ZNF512: variants seen among roughly 807,000 people sequenced by gnomAD.
The protein encoded by ZNF512 is zinc finger protein 512.
Under a neutral mutation model 77.5 loss-of-function variants are expected in ZNF512, and 25 were observed. The observed-to-expected ratio is 0.32, with a 90% CI of 0.23 to 0.45. The LOEUF (loss-of-function observed/expected upper bound fraction) is 0.45. Ranked by LOEUF, ZNF512 falls within the 20% of genes least tolerant of loss-of-function variation. ZNF512 has a pLI of 1.00. For missense variants in ZNF512, 483 were observed against 692.6 expected (o/e 0.70, Z 3.40); for synonymous variants, 246 against 239.9 (o/e 1.03, Z -0.24).
chr2:27,603,274 A>T lies in ZNF512; in HGVS notation c.903A>T (p.Gly301=). 1 of 1,613,998 alleles carries T rather than the reference A, an allele frequency of 6.2e-7. No individual in the cohort carries two copies. Among genetic ancestry groups the T allele is most frequent in the Non-Finnish European group, 8.5e-7 (1 of 1,179,938 alleles). Residue 301 remains glycine, a synonymous_variant, in exon 9 of 14, where the codon GGA becomes GGT. Transcript: ENST00000355467. The part of the protein sequence containing the change: ...HCGKPYRSKA[G]LAYHLRSEHG... ...GAAAACCATATAGGTCGAAGGCTGG[A>T]CTTGCATATCACCTGAGGTCAGAGC... is the stretch of plus-strand genomic sequence containing the variant.
chr2:27,601,073 C>T lies in ZNF512; in HGVS notation c.582+258C>T, dbSNP rs191452150. ...AATAATAAATACAAAATAATAAAAACCTTATGTAGTCCATGAGAGGATAAG... is the reference window on the plus strand; with the variant it reads ...AATAATAAATACAAAATAATAAAAATCTTATGTAGTCCATGAGAGGATAAG... On this transcript the variant is annotated intron_variant, in intron 6 of 13. Coordinates refer to ENST00000355467, the MANE Select transcript of ZNF512 (RefSeq NM_032434.4). Among the ~76,000 whole-genome samples the T allele has an allele frequency of 1.6e-4, 24 of 152,270 alleles. No individual in the cohort carries two copies. In the East Asian group the frequency reaches 4.2e-3, roughly 27 times the overall value.
At position 27,583,682 on chromosome 2, in the gene ZNF512, C is replaced by T; in HGVS notation, c.55C>T (p.Gln19Ter). 1 of 1,614,158 alleles carries T rather than the reference C, an allele frequency of 6.2e-7. No homozygotes were observed. Among genetic ancestry groups the T allele is most frequent in the Non-Finnish European group, 8.5e-7 (1 of 1,180,020 alleles). ...PATSGPTTFK[Q>*]QRSTRIVGAK... is the part of the protein sequence containing the mutation. ...GACTTCGGGACCCACAACCTTTAAG[C>T]AGCAGAGGAGCACGAGGATCGTGGG... Residue 19 changes from glutamine (Q) to a stop codon, truncating the protein, a stop_gained, in exon 2 of 14, where the codon CAG becomes TAG. Coordinates refer to ENST00000355467, the MANE Select transcript of ZNF512 (RefSeq NM_032434.4). LOFTEE classifies it high-confidence loss of function.
intron 11 of ZNF512, 31 bp downstream of exon 11, chr2:27,615,300 A>G: frequency 4.2e-6 from 6 of 1,413,872 alleles, no homozygotes; most frequent in Non-Finnish European, 5.8e-6. Flanking sequence ...TATTCAGTAA[A>G]TGTTTATCAA....
intron 2 of ZNF512, among the ~76,000 whole-genome samples, chr2:27,595,203 A>G (rs1041933105): frequency 1.3e-5 from 2 of 152,072 alleles, no homozygotes; most frequent in Non-Finnish European, 2.9e-5. Flanking sequence ...TGGGATTACA[A>G]CTACACTTAA....
intron 2 of ZNF512, among the ~76,000 whole-genome samples, chr2:27,596,252 G>A (rs908840384): frequency 6.6e-6 from 1 of 152,166 alleles, no homozygotes; most frequent in African/African-American, 2.4e-5. Flanking sequence ...TGCTGCTTTG[G>A]TTTGGGTCAC....
rs1881396 is a variant in ZNF512, at chr2:27,621,734, T to G, written c.*273T>G. On this transcript the variant is annotated 3_prime_UTR_variant, in exon 14 of 14. Coordinates refer to ENST00000355467, the MANE Select transcript of ZNF512 (RefSeq NM_032434.4). Reference sequence around the variant, plus strand: ...CCTCTCAAGGCCAACTATAGGCTCCTCTTGCCCTGTACAAAACTAAGAAAC... The same window carrying G: ...CCTCTCAAGGCCAACTATAGGCTCCGCTTGCCCTGTACAAAACTAAGAAAC... The G allele has an allele frequency of 0.22, 75,205 of 335,862 alleles. 8,716 individuals carry two copies. Among genetic ancestry groups the G allele is most frequent in the East Asian group, 0.34 (5,709 of 16,994 alleles). The allele number at this position is 335,862 out of a possible 1,614,324, so 20.8% of individuals were successfully genotyped here. A position where few individuals can be genotyped will look rare whatever the true frequency, so the allele number is the denominator to read the frequency against.
chr2:27,585,848 T>G (rs1230119861), intron 2 of ZNF512, among the ~76,000 whole-genome samples: 1 of 152,230 alleles, frequency 6.6e-6, no homozygotes, highest in Non-Finnish European at 1.5e-5. Context: ...ACAAAGCTTT[T>G]TCTTGTTATA....
Position 27,621,146 on chromosome 2 carries a change from T to A in ZNF512, c.1396-7T>A. ...GACTGGATGACATTTCTATTTTGCC[T>A]CTCTAGGACTGGTTCGTTGTAAACC... On this transcript the variant is annotated splice_polypyrimidine_tract_variant and splice_region_variant and intron_variant, in intron 13 of 13. Transcript: ENST00000355467. 6.3e-7 allele frequency: 1 copy of A among 1,599,086 alleles called. No homozygotes were observed. Among genetic ancestry groups the A allele is most frequent in the Non-Finnish European group, 8.5e-7 (1 of 1,174,254 alleles).
At position 27,617,478 on chromosome 2, in the gene ZNF512, C is replaced by T; in HGVS notation, c.1302C>T (p.Asn434=). The T allele has an allele frequency of 1.4e-6, 2 of 1,404,752 alleles. No individual in the cohort carries two copies. The highest frequency in any genetic ancestry group is 2.0e-6 in the Non-Finnish European group (2 of 988,764). 87.0% of individuals were successfully genotyped at this position (1,404,752 alleles called of 1,614,324 possible). The change falls in exon 13 of 14, where the codon AAC becomes AAT. Residue 434 remains asparagine, a synonymous_variant. Transcript: ENST00000355467. The stretch of plus-strand genomic sequence containing the variant: ...TGTTTCTCTCTTGGAAATAGGGAAA[C>T]TTTGTGGCTGGAAAATACAAATGTC... ...KAHLGSCTLG[N]FVAGKYKCLL...
In ZNF512 at chr2:27,615,313, A is replaced by G. The variant is rs575582283; in HGVS notation, c.1233+44A>G. 1.6e-5 allele frequency: 20 copies of G among 1,287,406 alleles called. No individual in the cohort carries two copies. The Admixed American group carries it at 3.2e-4, about 21-fold the overall frequency. The allele number at this position is 1,287,406 out of a possible 1,614,324, so 79.7% of individuals were successfully genotyped here. A position where few individuals can be genotyped will look rare whatever the true frequency, so the allele number is the denominator to read the frequency against. On this transcript the variant is annotated intron_variant, in intron 11 of 13. Coordinates refer to ENST00000355467, the MANE Select transcript of ZNF512 (RefSeq NM_032434.4). ...TTTATTCAGTAAATGTTTATCAAGCATCTGCTCTTGCTTCTGTTATTTATT... is the reference window on the plus strand; with the variant it reads ...TTTATTCAGTAAATGTTTATCAAGCGTCTGCTCTTGCTTCTGTTATTTATT...
intron 2 of ZNF512, among the ~76,000 whole-genome samples, chr2:27,589,486 AG>A (rs763347681): frequency 6.6e-6 from 1 of 152,006 alleles, no homozygotes; most frequent in Non-Finnish European, 1.5e-5. Flanking sequence ...CTTTTTTTGT[AG>A]ATCAGTCTAA....
intron 2 of ZNF512, among the ~76,000 whole-genome samples, chr2:27,588,728 A>T (rs1671444627): frequency 6.6e-6 from 1 of 151,992 alleles, no homozygotes; most frequent in African/African-American, 2.4e-5. Flanking sequence ...GAAGTATAGA[A>T]TTGGGTTGCC....
At chr2:27,602,611 G>A (rs990362321) in intron 8 of ZNF512, 50 bp downstream of exon 8, 1 of 1,513,808 alleles carries the variant, frequency 6.6e-7, no homozygotes, top group African/African-American at 1.4e-5. Context: ...TCAGGTCAAT[G>A]TCTTTCGTTC....
chr2:27,618,800 A>G (rs1191040692), intron 13 of ZNF512, among the ~76,000 whole-genome samples: 1 of 152,220 alleles, frequency 6.6e-6, no homozygotes, highest in Non-Finnish European at 1.5e-5. Context: ...GAACAGAGAA[A>G]TCGTTTATGA....
At chr2:27,616,601 A>G (rs1249100581) in intron 12 of ZNF512, among the ~76,000 whole-genome samples, 1 of 152,222 alleles carries the variant, frequency 6.6e-6, no homozygotes, top group Non-Finnish European at 1.5e-5. Context: ...CCTGAATTCT[A>G]AGAGATTCAG....
Position 27,583,714 on chromosome 2 carries a change from GAAGT to G in ZNF512, c.89+3_89+6del. 1.2e-6 allele frequency: 2 copies of G among 1,613,956 alleles called. No individual in the cohort carries two copies. Among genetic ancestry groups the G allele is most frequent in the Non-Finnish European group, 1.7e-6 (2 of 1,179,976 alleles). On this transcript the variant is annotated splice_donor_variant and coding_sequence_variant, in exon 2 of 14. Coordinates refer to ENST00000355467, the MANE Select transcript of ZNF512 (RefSeq NM_032434.4). LOFTEE classifies it high-confidence loss of function. ...GGAGCACGAGGATCGTGGGAGCTAA[GAAGT>G]AAGTGAGGTTTTCTAAGGTCCTTTT...
At chr2:27,597,594 T>A (rs1340671937) in intron 2 of ZNF512, among the ~76,000 whole-genome samples, 1 of 152,206 alleles carries the variant, frequency 6.6e-6, no homozygotes, top group East Asian at 1.9e-4. Context: ...AGATAGGGCA[T>A]CAGGTTTTAG....
At chr2:27,615,619 C>T (rs1382523166) in intron 11 of ZNF512, among the ~76,000 whole-genome samples, 1 of 152,216 alleles carries the variant, frequency 6.6e-6, no homozygotes, top group African/African-American at 2.4e-5. Context: ...CAGTGACTGA[C>T]TTCTCAGGGA....
intron 1 of ZNF512, 181 bp downstream of exon 1, chr2:27,583,323 C>T: frequency 7.9e-7 from 1 of 1,261,256 alleles, no homozygotes; most frequent in Non-Finnish European, 1.1e-6. Context: ...TGTTCCCCAC[C>T]TCCTTGGATT....
Sources: allele counts gnomAD v4.1 joint callset (sites outside exome capture counted in the v4.1 genomes callset), GRCh38; gene constraint gnomAD v4.1.1; transcripts MANE v1.5; gene names NCBI Gene and HGNC (gene_info 2026-07-23, HGNC 2026-07-21).